ATL2: variants seen among roughly 807,000 people sequenced by gnomAD.
ATL2 encodes atlastin GTPase 2.
ATL2 carries 31 observed loss-of-function variants against 73.9 expected under a neutral mutation model. That is an observed-to-expected ratio of 0.42 (90% CI 0.32 to 0.57). The LOEUF is 0.57. Among genes scored for constraint, ATL2 ranks in the 20% least tolerant of loss-of-function variants. The probability of loss-of-function intolerance (pLI) is 0.14; values close to 1 mark genes in which losing one functional copy is unlikely to be tolerated. For missense variants in ATL2, 738 were observed against 702.6 expected (o/e 1.05, Z -0.57); for synonymous variants, 291 against 237.5 (o/e 1.23, Z -2.07).
chr2:38,332,499 C>T (rs971149364), intron 2 of ATL2, among the ~76,000 whole-genome samples: 4 of 152,228 alleles, frequency 2.6e-5, no homozygotes, highest in African/African-American at 9.6e-5. Context: ...AGCCACCATG[C>T]CCCGCCAATG....
chr2:38,333,603 T>G (rs958366758), intron 2 of ATL2, among the ~76,000 whole-genome samples: 1 of 152,134 alleles, frequency 6.6e-6, no homozygotes, highest in African/African-American at 2.4e-5. Flanking sequence ...GAGTTTGGAA[T>G]GAAAAAAGAT....
At chr2:38,357,722 C>CTA (rs1670760896) in intron 1 of ATL2, among the ~76,000 whole-genome samples, 1 of 146,760 alleles carries the variant, frequency 6.8e-6, no homozygotes, top group African/African-American at 2.5e-5. Flanking sequence ...TTTCCAAGAA[C>CTA]TACAAGGTTT....
chr2:38,371,591 G>GTT (rs1487899892), intron 1 of ATL2, among the ~76,000 whole-genome samples: 1 of 151,904 alleles, frequency 6.6e-6, no homozygotes, highest in African/African-American at 2.4e-5. Flanking sequence ...AAAAAAAAAT[G>GTT]TTACAGAAAA....
At chr2:38,372,824 T>A (rs1250433807) in intron 1 of ATL2, among the ~76,000 whole-genome samples, 1 of 152,228 alleles carries the variant, frequency 6.6e-6, no homozygotes, top group Non-Finnish European at 1.5e-5. Context: ...TTTTAACACA[T>A]TTGATACTTA....
chr2:38,296,429 C>T (rs1573412515), intron 12 of ATL2: 20 of 1,556,118 alleles, frequency 1.3e-5, no homozygotes, highest in Non-Finnish European at 1.7e-5. Context: ...TGCTTATTGT[C>T]CTACATGTGT....
intron 2 of ATL2, among the ~76,000 whole-genome samples, chr2:38,337,888 T>C (rs928224287): frequency 1.3e-5 from 2 of 152,184 alleles, no homozygotes; most frequent in African/African-American, 4.8e-5. Context: ...AGAATCCTTA[T>C]CTAGGAGAAT....
intron 1 of ATL2, among the ~76,000 whole-genome samples, chr2:38,368,309 A>G (rs1214434043): frequency 2.1e-5 from 3 of 146,208 alleles, no homozygotes; most frequent in Non-Finnish European, 4.5e-5. Context: ...CTGGAGCGCA[A>G]TGGTGCAATC....
chr2:38,347,325 T>C (rs898038661), intron 1 of ATL2, among the ~76,000 whole-genome samples: 7 of 152,206 alleles, frequency 4.6e-5, no homozygotes, highest in Admixed American at 4.6e-4. Context: ...TGTTCCCTGA[T>C]GAAGCTAACC....
chr2:38,312,469 G>C (rs1488312613), intron 7 of ATL2, among the ~76,000 whole-genome samples: 2 of 152,098 alleles, frequency 1.3e-5, no homozygotes, highest in Non-Finnish European at 2.9e-5. Flanking sequence ...CCAGCACTTT[G>C]GGAGGCCGAG....
At chr2:38,341,791 T>C (rs1234518667) in intron 2 of ATL2, among the ~76,000 whole-genome samples, 1 of 152,150 alleles carries the variant, frequency 6.6e-6, no homozygotes, top group African/African-American at 2.4e-5. Flanking sequence ...ATGAAAAAAC[T>C]TTACTGAAAA....
At chr2:38,318,748 T>A (rs1364595630) in intron 3 of ATL2, 109 bp from the exon 4 acceptor site, 1 of 1,306,004 alleles carries the variant, frequency 7.7e-7, no homozygotes, top group African/African-American at 1.5e-5. Context: ...GAAAAGTACT[T>A]ATATCTCATA....
chr2:38,378,507 G>A (rs1672097747), upstream of ATL2, among the ~76,000 whole-genome samples: 1 of 152,222 alleles, frequency 6.6e-6, no homozygotes, highest in South Asian at 2.1e-4. Flanking sequence ...AAAGTGCTGG[G>A]ATTACAGGCG....
chr2:38,367,288 C>T (rs188536852), intron 1 of ATL2, among the ~76,000 whole-genome samples: 28 of 151,918 alleles, frequency 1.8e-4, no homozygotes, highest in East Asian at 1.6e-3. Context: ...AAAAGAGATA[C>T]GAATAAACAA....
intron 9 of ATL2, among the ~76,000 whole-genome samples, chr2:38,309,056 T>C (rs1269421233): frequency 1.3e-5 from 2 of 152,214 alleles, no homozygotes; most frequent in South Asian, 4.1e-4. Context: ...GATGTAAAAT[T>C]ATGCTTTCCA....
rs1666859314 is a variant in ATL2, at chr2:38,295,788, C to G, written c.*206G>C. 4 of 443,418 alleles carry G rather than the reference C, an allele frequency of 9.0e-6. No homozygotes were observed. In the South Asian group the frequency reaches 1.6e-4, roughly 18 times the overall value. 27.5% of individuals were successfully genotyped at this position (443,418 alleles called of 1,614,324 possible). A position where few individuals can be genotyped will look rare whatever the true frequency, so the allele number is the denominator to read the frequency against. On this transcript the variant is annotated 3_prime_UTR_variant, in exon 13 of 13. Transcript: ENST00000378954. Reference sequence around the variant, plus strand: ...AGGTGCATGATTAACCAATGCTCCTCAGTCCATCTGCATGTCTTAGGAGCC... The same window carrying G: ...AGGTGCATGATTAACCAATGCTCCTGAGTCCATCTGCATGTCTTAGGAGCC...
chr2:38,334,686 G>A (rs1293495944), intron 2 of ATL2, among the ~76,000 whole-genome samples: 2 of 150,854 alleles, frequency 1.3e-5, no homozygotes, highest in Non-Finnish European at 2.9e-5. Flanking sequence ...CAACATGAAC[G>A]AAACTCCGTC....
intron 1 of ATL2, among the ~76,000 whole-genome samples, chr2:38,362,961 T>G (rs1671095841): frequency 6.6e-6 from 1 of 152,194 alleles, no homozygotes; most frequent in Non-Finnish European, 1.5e-5. Flanking sequence ...ATTAGTAACT[T>G]TCTCATCCCT....
chr2:38,377,863 C>A, upstream of ATL2, among the ~76,000 whole-genome samples: 1 of 152,068 alleles, frequency 6.6e-6, no homozygotes. Context: ...TCCCCTCCCC[C>A]CCACCATCCT....
At position 38,339,358 on chromosome 2, in the gene ATL2, C is replaced by G. The variant is rs542142466; in HGVS notation, c.363+3910G>C. Among the ~76,000 whole-genome samples, 35 of 152,234 alleles carry G rather than the reference C, an allele frequency of 2.3e-4. 1 individual carries two copies. In the South Asian group the frequency reaches 6.2e-3, roughly 27 times the overall value. ...AGAAAGAAGAGCACCAATGGAAAAA[C>G]TGCAGAAGCCGGAACGAAGTCAAGG... On this transcript the variant is annotated intron_variant, in intron 2 of 12. Coordinates refer to ENST00000378954, the MANE Select transcript of ATL2 (RefSeq NM_001135673.4).
Sources: allele counts gnomAD v4.1 joint callset (sites outside exome capture counted in the v4.1 genomes callset), GRCh38; gene constraint gnomAD v4.1.1; transcripts MANE v1.5; gene names NCBI Gene and HGNC (gene_info 2026-07-23, HGNC 2026-07-21).